ERC1: variants seen among roughly 807,000 people sequenced by gnomAD.
ERC1 encodes the protein RAB6 interacting protein 2.
ERC1 carries 56 observed loss-of-function variants against 132.0 expected under a neutral mutation model. The observed-to-expected ratio is 0.42, with a 90% CI of 0.34 to 0.53. The LOEUF is 0.53. Ranked by LOEUF, ERC1 falls within the 20% of genes least tolerant of loss-of-function variation. ERC1 has a pLI of 0.03. For missense variants in ERC1, 1,202 were observed against 1,349.9 expected, an observed-to-expected ratio of 0.89 and a Z score of 1.72; for synonymous variants, 478 against 476.1, an observed-to-expected ratio of 1.00 and a Z score of -0.05.
At chr12:1,057,536 T>A (rs7960436) in intron 2 of ERC1, among the ~76,000 whole-genome samples, 71,203 of 149,752 alleles carry the variant, frequency 0.48, 20,097 homozygotes, top group East Asian at 0.79. Context: ...ACTTTTTTTT[T>A]AAAAAGGTGA....
intron 15 of ERC1, among the ~76,000 whole-genome samples, chr12:1,334,141 C>A (rs1008493506): frequency 2.0e-5 from 3 of 151,988 alleles, no homozygotes; most frequent in Non-Finnish European, 4.4e-5. Context: ...GATATTAGAC[C>A]TTTGTCACAT....
chr12:1,082,639 C>T (rs748591923), intron 2 of ERC1, among the ~76,000 whole-genome samples: 8 of 151,746 alleles, frequency 5.3e-5, no homozygotes, highest in South Asian at 2.1e-4. Context: ...TACAGGCACA[C>T]GCCACCACGC....
chr12:1,408,071 C>T (rs2091621000), intron 16 of ERC1, 78 bp from the exon 17 acceptor site: 2 of 950,174 alleles, frequency 2.1e-6, no homozygotes, highest in Non-Finnish European at 3.3e-6. Context: ...TCTTATGGAA[C>T]TCTTAAAATA....
intron 14 of ERC1, among the ~76,000 whole-genome samples, chr12:1,284,265 C>CGTGTGTGTGTGT (rs71055142): frequency 1.2e-3 from 163 of 140,182 alleles, no homozygotes; most frequent in East Asian, 5.8e-3. Flanking sequence ...GAATAGTATT[C>CGTGTGTGTGTGT]GTGTGTGTGT....
intron 14 of ERC1, among the ~76,000 whole-genome samples, chr12:1,289,108 CACACACACACACACACACACACAT>C (rs1353954265): frequency 6.8e-6 from 1 of 146,454 alleles, no homozygotes; most frequent in African/African-American, 2.5e-5. Context: ...CACACACACA[CACACACACACACACACACACACAT>C]AACTATATAG....
chr12:1,096,188 A>G (rs1273458343), intron 3 of ERC1, among the ~76,000 whole-genome samples: 2 of 152,156 alleles, frequency 1.3e-5, no homozygotes, highest in African/African-American at 4.8e-5. Context: ...TTGGTTTCCC[A>G]AAGTGTTTGG....
At position 1,155,153 on chromosome 12, in the gene ERC1, C is replaced by T. The variant is rs190861659; in HGVS notation, c.1737+13366C>T. Among the ~76,000 whole-genome samples the T allele has an allele frequency of 2.0e-5, 3 of 151,982 alleles. No homozygotes were observed. The East Asian group carries it at 5.8e-4, about 29-fold the overall frequency. On this transcript the variant is annotated intron_variant, in intron 8 of 18. Coordinates refer to ENST00000360905, the MANE Select transcript of ERC1 (RefSeq NM_178040.4). ...GCAACATGGCCAACGTGGCGAAACCCCATATCTACTAAAAATAAAAAAATC... is the reference window on the plus strand; with the variant it reads ...GCAACATGGCCAACGTGGCGAAACCTCATATCTACTAAAAATAAAAAAATC...
chr12:1,489,096 G>GA, intron 18 of ERC1, among the ~76,000 whole-genome samples: 1 of 152,278 alleles, frequency 6.6e-6, no homozygotes, highest in Non-Finnish European at 1.5e-5. Context: ...TCTGGCCCTC[G>GA]CGTGTGTTTT....
chr12:1,170,572 T>G (rs1303446933), intron 8 of ERC1, among the ~76,000 whole-genome samples: 3 of 152,202 alleles, frequency 2.0e-5, no homozygotes, highest in African/African-American at 7.2e-5. Flanking sequence ...CTTTGTCTTT[T>G]GAGCAATTTT....
Position 1,444,740 on chromosome 12 carries a change from C to T in ERC1, c.3203C>T (p.Thr1068Ile). 1.2e-6 allele frequency: 2 copies of T among 1,613,418 alleles called. No individual in the cohort carries two copies. Among genetic ancestry groups the T allele is most frequent in the Non-Finnish European group, 1.7e-6 (2 of 1,179,818 alleles). Residue 1068 changes from threonine (T) to isoleucine (I), a missense_variant, in exon 18 of 19, where the codon ACC becomes ATC. Physicochemically the swap from Thr to Ile is moderately conservative, Grantham distance 89 (BLOSUM62 -1). Coordinates refer to ENST00000360905, the MANE Select transcript of ERC1 (RefSeq NM_178040.4). ...TGGGAGAATGAGCTGCAGAAGATGA[C>T]CCGGGGGCAGGTGAGCCTCTCACTC... ...AAWENELQKM[T>I]RGQLQDELEK... is the part of the protein sequence containing the mutation.
chr12:1,243,021 A>T (rs932413836), intron 13 of ERC1, among the ~76,000 whole-genome samples: 3 of 151,424 alleles, frequency 2.0e-5, no homozygotes, highest in Non-Finnish European at 2.9e-5. Context: ...CCCCGTCTCT[A>T]CTAAAAATAC....
intron 12 of ERC1, among the ~76,000 whole-genome samples, chr12:1,195,886 C>G (rs1356151264): frequency 2.8e-5 from 4 of 144,588 alleles, no homozygotes; most frequent in African/African-American, 5.1e-5. Context: ...CCCCCCCCCC[C>G]CTTTTTTTGT....
At chr12:1,300,784 T>C (rs1044053181) in intron 15 of ERC1, among the ~76,000 whole-genome samples, 2 of 152,028 alleles carry the variant, frequency 1.3e-5, no homozygotes. Context: ...ATGGCTGTTA[T>C]TACAAAGTCA....
chr12:1,243,388 C>T (rs1208066215), intron 13 of ERC1, among the ~76,000 whole-genome samples: 4 of 150,176 alleles, frequency 2.7e-5, no homozygotes, highest in East Asian at 1.9e-4. Flanking sequence ...TGTAATGAAA[C>T]GTGAGAGATA....
intron 15 of ERC1, among the ~76,000 whole-genome samples, chr12:1,325,583 C>T (rs913236613): frequency 6.6e-6 from 1 of 152,122 alleles, no homozygotes; most frequent in Non-Finnish European, 1.5e-5. Context: ...TTTGACCAGA[C>T]AGTTCAATAA....
chr12:1,442,117 A>C (rs1045461333), intron 17 of ERC1, among the ~76,000 whole-genome samples: 1 of 152,086 alleles, frequency 6.6e-6, no homozygotes. Flanking sequence ...TAGTAGAGAC[A>C]GGGTTTCACC....
At chr12:1,135,091 G>A (rs916056429) in intron 7 of ERC1, among the ~76,000 whole-genome samples, 1 of 152,116 alleles carries the variant, frequency 6.6e-6, no homozygotes, top group Non-Finnish European at 1.5e-5. Context: ...GAATGGTAAT[G>A]GAAGGGAACA....
At chr12:1,293,143 CAAA>C (rs1219991623) in intron 15 of ERC1, among the ~76,000 whole-genome samples, 4 of 95,192 alleles carry the variant, frequency 4.2e-5, no homozygotes, top group Admixed American at 1.2e-4. Flanking sequence ...GACTCCATCT[CAAA>C]AAAAAAAAAA....
rs545040644 is a variant in ERC1, at chr12:1,095,228, A to G, written c.1087-9522A>G. 9.9e-5 allele frequency among the ~76,000 whole-genome samples: 15 copies of G among 152,116 alleles called. No homozygotes were observed. In the East Asian group the frequency reaches 2.7e-3, roughly 28 times the overall value. ...GCAGATCACTTGAGGTCAGGAGTTC[A>G]AGATCAGCCTGGCCAACATGCTGAA... On this transcript the variant is annotated intron_variant, in intron 3 of 18. Transcript: ENST00000360905.
Sources: gnomAD v4.1 joint callset for allele counts (sites outside exome capture counted in the v4.1 genomes callset) on GRCh38, gnomAD v4.1.1 for gene constraint, MANE v1.5 for transcripts, NCBI Gene and HGNC (gene_info 2026-07-23, HGNC 2026-07-21) for gene names.